FOXK1: variants seen among roughly 807,000 people sequenced by gnomAD.
FOXK1 encodes forkhead box protein K1.
FOXK1 carries 19 observed loss-of-function variants against 51.9 expected under a neutral mutation model. The ratio of observed to expected loss-of-function variants is 0.37; its 90% CI spans 0.26 to 0.54. The LOEUF (loss-of-function observed/expected upper bound fraction) is 0.54. FOXK1 is among the 20% of genes least tolerant of loss of function. The pLI is 0.87. For missense variants in FOXK1, 870 were observed against 1,032.7 expected (o/e 0.84, Z 2.16); for synonymous variants, 537 against 482.6 (o/e 1.11, Z -1.48).
intron 1 of FOXK1, among the ~76,000 whole-genome samples, chr7:4,685,985 T>C (rs530953325): frequency 6.6e-6 from 1 of 152,054 alleles, no homozygotes; most frequent in South Asian, 2.1e-4. Context: ...AAAACGATTC[T>C]TAAGCCTATT....
rs749840482 is a variant in FOXK1 at position 4,755,940 on chromosome 7, A to G, written c.1050+557A>G. ...ATTTTTGTGCTTGCTGTGCCTCACA[A>G]TCCCACGTTAAGTTGGAAAAATGTA... On this transcript the variant is annotated intron_variant, in intron 4 of 8. Coordinates refer to ENST00000328914, the MANE Select transcript of FOXK1 (RefSeq NM_001037165.2). This position sits in a 1 kb window ranked among gnomAD's most constrained non-coding sequence, Gnocchi z 6.6. Among the ~76,000 whole-genome samples the G allele has an allele frequency of 6.6e-6, 1 of 152,282 alleles. No individual in the cohort carries two copies. The highest frequency in any genetic ancestry group is 2.4e-5 in the African/African-American group (1 of 41,566).
rs1780924820 is a variant in FOXK1 at position 4,761,051 on chromosome 7, T to C, written c.1697-13T>C. 6.2e-7 allele frequency: 1 copy of C among 1,606,684 alleles called. No homozygotes were observed. Among genetic ancestry groups the C allele is most frequent in the Non-Finnish European group, 8.5e-7 (1 of 1,174,672 alleles). ...TGGCCGAGTGTGGTGCTGACTTGGT[T>C]CCTGTCCCGCAGGCCTGGAGGAGAA... On this transcript the variant is annotated splice_polypyrimidine_tract_variant and intron_variant, in intron 7 of 8. Coordinates refer to ENST00000328914, the MANE Select transcript of FOXK1 (RefSeq NM_001037165.2). The surrounding 1 kb of genome is among the most constrained non-coding windows in gnomAD (Gnocchi z 6.2).
rs1271420638 is a variant in FOXK1 at position 4,740,838 on chromosome 7, G to A, written c.561G>A (p.Gln187=). ...RGAPALQLPK[Q]CTFRFPSTAI... is the part of the protein sequence containing the mutation. Reference sequence around the variant, plus strand: ...ACACCCGCTCCTCCTCCTGTTGCAGGTGTACCTTCCGGTTTCCCAGCACGG... The same window carrying A: ...ACACCCGCTCCTCCTCCTGTTGCAGATGTACCTTCCGGTTTCCCAGCACGG... Residue 187 remains glutamine, a splice_region_variant and synonymous_variant, in exon 2 of 9, where the codon CAG becomes CAA. Coordinates refer to ENST00000328914, the MANE Select transcript of FOXK1 (RefSeq NM_001037165.2). 2 of 1,591,146 alleles carry A rather than the reference G, an allele frequency of 1.3e-6. No homozygotes were observed. Among genetic ancestry groups the A allele is most frequent in the Non-Finnish European group, 1.7e-6 (2 of 1,170,344 alleles).
At position 4,703,009 on chromosome 7, in the gene FOXK1, A is replaced by G. The variant is rs1324171102; in HGVS notation, c.560+20141A>G. Among the ~76,000 whole-genome samples the G allele has an allele frequency of 6.6e-6, 1 of 151,842 alleles. No individual in the cohort carries two copies. Among genetic ancestry groups the G allele is most frequent in the African/African-American group, 2.4e-5 (1 of 41,290 alleles). On this transcript the variant is annotated intron_variant, in intron 1 of 8. Transcript: ENST00000328914. This position sits in a 1 kb window ranked among gnomAD's most constrained non-coding sequence, Gnocchi z 5.6. ...TCCTGAGCTCCTGGCCTGTGTCTCCACCTAAAAGGCCGTCCTCAGCTCCCC... is the reference window on the plus strand; with the variant it reads ...TCCTGAGCTCCTGGCCTGTGTCTCCGCCTAAAAGGCCGTCCTCAGCTCCCC...
intron 1 of FOXK1, among the ~76,000 whole-genome samples, chr7:4,694,185 C>A (rs1373907138): frequency 3.9e-5 from 6 of 152,170 alleles, no homozygotes; most frequent in African/African-American, 1.4e-4. Context: ...CGCGCCCAGC[C>A]AGAATGTGTT....
At chr7:4,720,162 A>G (rs1310738033) in intron 1 of FOXK1, among the ~76,000 whole-genome samples, 3 of 152,200 alleles carry the variant, frequency 2.0e-5, no homozygotes, top group Admixed American at 2.0e-4. Context: ...TCTGGTTTTC[A>G]GAAGCCTGGT....
rs554452121 is a variant in FOXK1 at position 4,683,541 on chromosome 7, C to T, written c.560+673C>T. Among the ~76,000 whole-genome samples, 2 of 152,008 alleles carry T rather than the reference C, an allele frequency of 1.3e-5. No individual in the cohort carries two copies. The highest frequency in any genetic ancestry group is 3.9e-4 in the East Asian group (2 of 5,118). On this transcript the variant is annotated intron_variant, in intron 1 of 8. Transcript: ENST00000328914. The surrounding 1 kb of genome is among the most constrained non-coding windows in gnomAD (Gnocchi z 4.5). ...GTCACCTTGACCCCAGTCCCTGCTGCCTGGGCCTGGGGATCACCCTCAACC... is the reference window on the plus strand; with the variant it reads ...GTCACCTTGACCCCAGTCCCTGCTGTCTGGGCCTGGGGATCACCCTCAACC...
At chr7:4,726,103 G>A (rs528254457) in intron 1 of FOXK1, among the ~76,000 whole-genome samples, 145 of 151,970 alleles carry the variant, frequency 9.5e-4, no homozygotes, top group Middle Eastern at 3.4e-3. Flanking sequence ...GAGCTTTGCC[G>A]CTGTCTTCAA....
At position 4,695,934 on chromosome 7, in the gene FOXK1, C is replaced by T. The variant is rs1162929175; in HGVS notation, c.560+13066C>T. ...CTGGGCAACAAGAGCGAAACTCCGTCTCAAAAAAAAAAAAAAAAAATTCCC... is the reference window on the plus strand; with the variant it reads ...CTGGGCAACAAGAGCGAAACTCCGTTTCAAAAAAAAAAAAAAAAAATTCCC... On this transcript the variant is annotated intron_variant, in intron 1 of 8. Coordinates refer to ENST00000328914, the MANE Select transcript of FOXK1 (RefSeq NM_001037165.2). Among the ~76,000 whole-genome samples the T allele has an allele frequency of 4.1e-5, 5 of 123,312 alleles. No homozygotes were observed. In the East Asian group the frequency reaches 1.1e-3, roughly 28 times the overall value. 80.9% of individuals were successfully genotyped at this position (123,312 alleles called of 152,430 possible).
In FOXK1 at chr7:4,682,919, C is replaced by G. The variant is rs1779770741; in HGVS notation, c.560+51C>G. On this transcript the variant is annotated intron_variant, in intron 1 of 8. Transcript: ENST00000328914. This position sits in a 1 kb window ranked among gnomAD's most constrained non-coding sequence, Gnocchi z 7.6. ...CCCGCACCCGGGGCTCGCCCACGACCTCGATCTCTGAGGCCCGGGCCTGGG... is the reference window on the plus strand; with the variant it reads ...CCCGCACCCGGGGCTCGCCCACGACGTCGATCTCTGAGGCCCGGGCCTGGG... The G allele has an allele frequency of 2.8e-6, 4 of 1,406,656 alleles. No individual in the cohort carries two copies. Among genetic ancestry groups the G allele is most frequent in the Non-Finnish European group, 3.7e-6 (4 of 1,075,930 alleles). The allele number at this position is 1,406,656 out of a possible 1,614,324, so 87.1% of individuals were successfully genotyped here. A position where few individuals can be genotyped will look rare whatever the true frequency, so the allele number is the denominator to read the frequency against.
chr7:4,698,304 A>ATG (rs202005759), intron 1 of FOXK1, among the ~76,000 whole-genome samples: 14,907 of 150,638 alleles, frequency 0.099, 810 homozygotes, highest in African/African-American at 0.14. Context: ...TTATATATGT[A>ATG]TGTGTGTGTA....
Position 4,707,984 on chromosome 7 carries a change from G to T in FOXK1, c.560+25116G>T, listed in dbSNP as rs77670471. 0.048 allele frequency among the ~76,000 whole-genome samples: 7,360 copies of T among 152,118 alleles called. 242 individuals carry two copies. The highest frequency in any genetic ancestry group is 0.099 in the African/African-American group (4,098 of 41,484). On this transcript the variant is annotated intron_variant, in intron 1 of 8. Transcript: ENST00000328914. The surrounding 1 kb of genome is among the most constrained non-coding windows in gnomAD (Gnocchi z 4.1). ...ACCCATGAGCCACTGCGCTCAGCCT[G>T]TTTTCACCTGTTTTCTGAAATCTGA...
chr7:4,766,926 A>C lies in FOXK1; in HGVS notation c.*4462A>C, dbSNP rs972137934. ...TTCAGTGAGTTCAGGAGGAGGAGGA[A>C]GCTTTTCCTTGGCTTTGAAATCAGT... is the stretch of plus-strand genomic sequence containing the variant. On this transcript the variant is annotated 3_prime_UTR_variant, in exon 9 of 9. Transcript: ENST00000328914. This position sits in a 1 kb window ranked among gnomAD's most constrained non-coding sequence, Gnocchi z 5.5. The C allele has an allele frequency of 1.6e-4, 24 of 152,240 alleles. No homozygotes were observed. The highest frequency in any genetic ancestry group is 5.5e-4 in the African/African-American group (23 of 41,462). 9.4% of individuals were successfully genotyped at this position (152,240 alleles called of 1,614,324 possible). A position where few individuals can be genotyped will look rare whatever the true frequency, so the allele number is the denominator to read the frequency against.
intron 2 of FOXK1, among the ~76,000 whole-genome samples, chr7:4,746,716 T>C (rs1780707116): frequency 6.6e-6 from 1 of 152,148 alleles, no homozygotes; most frequent in Admixed American, 6.6e-5. Flanking sequence ...AAACACAAGT[T>C]TGTGGCTGCA....
At position 4,733,439 on chromosome 7, in the gene FOXK1, G is replaced by A. The variant is rs1295077671; in HGVS notation, c.561-7399G>A. ...CCTTTATGGTCCACTGTGGCTGCTC[G>A]GCTCCTGCCATCACAGCAGTATCTG... On this transcript the variant is annotated intron_variant, in intron 1 of 8. Transcript: ENST00000328914. The surrounding 1 kb of genome is among the most constrained non-coding windows in gnomAD (Gnocchi z 5.0). Among the ~76,000 whole-genome samples the A allele has an allele frequency of 2.0e-5, 3 of 152,186 alleles. No homozygotes were observed. The highest frequency in any genetic ancestry group is 7.2e-5 in the African/African-American group (3 of 41,448).
At position 4,709,392 on chromosome 7, in the gene FOXK1, C is replaced by T. The variant is rs754501809; in HGVS notation, c.560+26524C>T. Among the ~76,000 whole-genome samples the T allele has an allele frequency of 1.3e-5, 2 of 152,184 alleles. No individual in the cohort carries two copies. The highest frequency in any genetic ancestry group is 4.8e-5 in the African/African-American group (2 of 41,460). On this transcript the variant is annotated intron_variant, in intron 1 of 8. Coordinates refer to ENST00000328914, the MANE Select transcript of FOXK1 (RefSeq NM_001037165.2). This position sits in a 1 kb window ranked among gnomAD's most constrained non-coding sequence, Gnocchi z 5.6. ...TGGCTTCCGCTTCCATTCTCAGGGT[C>T]TGGACAGGGCCAGGCTCTTCCCAAG...
At position 4,748,913 on chromosome 7, in the gene FOXK1, A is replaced by G. The variant is rs530530113; in HGVS notation, c.747-5546A>G. ...AGGCTGGTCTTGAACTCCTGTGCTC[A>G]AGTTATCTGCCCACCTCAGCCTCCC... On this transcript the variant is annotated intron_variant, in intron 2 of 8. Coordinates refer to ENST00000328914, the MANE Select transcript of FOXK1 (RefSeq NM_001037165.2). This position sits in a 1 kb window ranked among gnomAD's most constrained non-coding sequence, Gnocchi z 4.9. 3.9e-5 allele frequency among the ~76,000 whole-genome samples: 6 copies of G among 152,106 alleles called. No individual in the cohort carries two copies. The highest frequency in any genetic ancestry group is 8.8e-5 in the Non-Finnish European group (6 of 67,978).
At chr7:4,724,319 T>C (rs1780351929) in intron 1 of FOXK1, among the ~76,000 whole-genome samples, 1 of 152,046 alleles carries the variant, frequency 6.6e-6, no homozygotes, top group Admixed American at 6.6e-5. Flanking sequence ...CCTCAACCTC[T>C]CGGGTAGCTG....
In FOXK1 at chr7:4,723,121, C is replaced by A. The variant is rs1423259517; in HGVS notation, c.561-17717C>A. On this transcript the variant is annotated intron_variant, in intron 1 of 8. Transcript: ENST00000328914. The surrounding 1 kb of genome is among the most constrained non-coding windows in gnomAD (Gnocchi z 4.7). The stretch of plus-strand genomic sequence containing the variant: ...TGATGGTAACGGCACCGTGCTCACT[C>A]CAACGCCGTGGCTGTGAGCGGAGCC... 6.6e-6 allele frequency among the ~76,000 whole-genome samples: 1 copy of A among 151,848 alleles called. No individual in the cohort carries two copies. Among genetic ancestry groups the A allele is most frequent in the Non-Finnish European group, 1.5e-5 (1 of 68,020 alleles).
Sources: gnomAD v4.1 joint callset for allele counts (sites outside exome capture counted in the v4.1 genomes callset) on GRCh38, gnomAD v4.1.1 for gene constraint, Gnocchi (gnomAD v3.1) non-coding constraint, MANE v1.5 for transcripts, NCBI Gene and HGNC (gene_info 2026-07-23, HGNC 2026-07-21) for gene names.